The following SPIRE1 variants were observed in gnomAD, a reference collection of about 807,000 sequenced individuals.
SPIRE1 encodes the protein protein spire homolog 1.
In SPIRE1, 40 loss-of-function variants were observed where a neutral mutation model predicts 94.1. That is an observed-to-expected ratio of 0.43 (90% CI 0.33 to 0.55). The LOEUF (loss-of-function observed/expected upper bound fraction) is 0.55. SPIRE1 is among the 20% of genes least tolerant of loss of function. SPIRE1 has a pLI of 0.06. For missense variants in SPIRE1, 838 were observed against 975.2 expected (o/e 0.86, Z 1.87); for synonymous variants, 376 against 371.7 (o/e 1.01, Z -0.13).
chr18:12,605,677 C>CT (rs1185885774), intron 2 of SPIRE1, among the ~76,000 whole-genome samples: 2 of 152,112 alleles, frequency 1.3e-5, no homozygotes, highest in Non-Finnish European at 2.9e-5. Context: ...GAAATGAAAC[C>CT]TGTATTTAAT....
chr18:12,578,505 C>T (rs901656533), intron 2 of SPIRE1, among the ~76,000 whole-genome samples: 16 of 152,102 alleles, frequency 1.1e-4, no homozygotes, highest in Non-Finnish European at 2.1e-4. Flanking sequence ...CTGACTGCAC[C>T]GGAAACTTTC....
intron 5 of SPIRE1, among the ~76,000 whole-genome samples, chr18:12,510,579 G>A (rs1745899356): frequency 1.3e-5 from 2 of 150,032 alleles, no homozygotes; most frequent in Non-Finnish European, 3.0e-5. Context: ...GTCTCCCTCT[G>A]TCGCCCAGGC....
At chr18:12,660,385 G>A (rs118142007), upstream of SPIRE1, among the ~76,000 whole-genome samples, 2,237 of 150,438 alleles carry the variant, frequency 0.015, 23 homozygotes, top group South Asian at 0.061. Flanking sequence ...TCAGTGCCGC[G>A]ATTTCAGCTC....
intron 6 of SPIRE1, among the ~76,000 whole-genome samples, chr18:12,505,032 G>A (rs140817626): frequency 1.4e-4 from 22 of 152,274 alleles, no homozygotes; most frequent in East Asian, 1.4e-3. Flanking sequence ...CCAGCCGTGT[G>A]GGCTGTGCCG....
chr18:12,582,567 A>C (rs568497940), intron 2 of SPIRE1, among the ~76,000 whole-genome samples: 2 of 152,260 alleles, frequency 1.3e-5, no homozygotes, highest in South Asian at 4.1e-4. Flanking sequence ...AGTGTGTCTC[A>C]AGGTAGAAAA....
At chr18:12,628,309 C>T (rs1282861272) in intron 2 of SPIRE1, among the ~76,000 whole-genome samples, 1 of 152,106 alleles carries the variant, frequency 6.6e-6, no homozygotes, top group African/African-American at 2.4e-5. Flanking sequence ...ATAGGGAATC[C>T]TTTCCCCATT....
chr18:12,553,068 G>C (rs1277118019), intron 2 of SPIRE1, among the ~76,000 whole-genome samples: 1 of 152,188 alleles, frequency 6.6e-6, no homozygotes, highest in Admixed American at 6.5e-5. Flanking sequence ...ATAATCAGCA[G>C]CAATACCCAG....
intron 2 of SPIRE1, among the ~76,000 whole-genome samples, chr18:12,580,618 C>A (rs1349115688): frequency 6.6e-6 from 1 of 152,174 alleles, no homozygotes; most frequent in Non-Finnish European, 1.5e-5. Context: ...GCCACTGTGC[C>A]CAGCCAAGTA....
At chr18:12,631,699 T>C (rs775744840) in intron 2 of SPIRE1, among the ~76,000 whole-genome samples, 7 of 151,888 alleles carry the variant, frequency 4.6e-5, no homozygotes, top group Non-Finnish European at 1.0e-4. Context: ...ACCCTGTCTC[T>C]ACTAAAAATA....
intron 10 of SPIRE1, among the ~76,000 whole-genome samples, chr18:12,476,288 C>T (rs1286018181): frequency 6.6e-6 from 1 of 150,850 alleles, no homozygotes; most frequent in East Asian, 1.9e-4. Context: ...CCTGTAATCC[C>T]AGCTCTTTGG....
chr18:12,518,499 CA>C (rs71172094), intron 4 of SPIRE1, among the ~76,000 whole-genome samples: 154 of 134,754 alleles, frequency 1.1e-3, no homozygotes, highest in South Asian at 6.4e-3. Flanking sequence ...CTCACACACA[CA>C]AAAAAAAAAA....
chr18:12,505,612 G>A (rs1211574786), intron 6 of SPIRE1, among the ~76,000 whole-genome samples: 1 of 151,512 alleles, frequency 6.6e-6, no homozygotes, highest in Non-Finnish European at 1.5e-5. Context: ...GTCAGAATCA[G>A]GATATATTTT....
intron 5 of SPIRE1, among the ~76,000 whole-genome samples, chr18:12,510,547 CT>C (rs555228447): frequency 1.8e-3 from 256 of 143,750 alleles, no homozygotes; most frequent in Middle Eastern, 3.6e-3. Context: ...CAACAATCTT[CT>C]TTTTTTTTTT....
chr18:12,493,472 T>C (rs1284222572), intron 7 of SPIRE1, among the ~76,000 whole-genome samples: 1 of 152,014 alleles, frequency 6.6e-6, no homozygotes, highest in Admixed American at 6.6e-5. Context: ...AGTGGTGCAA[T>C]CTCAGCTCAC....
At chr18:12,552,925 AC>A (rs1279243043) in intron 2 of SPIRE1, among the ~76,000 whole-genome samples, 2 of 151,766 alleles carry the variant, frequency 1.3e-5, no homozygotes, top group Admixed American at 6.6e-5. Context: ...CAGTCATGAG[AC>A]CCCCATTCCA....
chr18:12,545,491 T>TA (rs1182575060), intron 3 of SPIRE1, among the ~76,000 whole-genome samples: 1 of 152,132 alleles, frequency 6.6e-6, no homozygotes, highest in African/African-American at 2.4e-5. Context: ...AGTTGGAAAA[T>TA]AAGAGATACA....
chr18:12,493,116 T>C lies in SPIRE1; in HGVS notation c.1145A>G (p.Lys382Arg). ...RILEEIKAER[K>R]LRPVSPEEIR... is the part of the protein sequence containing the mutation. ...CTCCTCTGGTGATACAGGCCGCAGC[T>C]TTCTTTCTGCTTTAATTTCTTCTAA... The change falls in exon 8 of 17, where the codon AAG becomes AGG. Residue 382 changes from lysine (K) to arginine (R), a missense_variant. By Grantham distance (26) the Lys-to-Arg change is conservative (BLOSUM62 2). This residue lies in a region of SPIRE1 where 645 missense variants were observed against 804.7 expected (regional missense o/e 0.80). Coordinates refer to ENST00000409402, the MANE Select transcript of SPIRE1 (RefSeq NM_001128626.2). The C allele has an allele frequency of 1.9e-6, 3 of 1,613,756 alleles. No individual in the cohort carries two copies. Among genetic ancestry groups the C allele is most frequent in the Non-Finnish European group, 2.5e-6 (3 of 1,179,976 alleles).
chr18:12,588,488 T>C (rs1042644401), intron 2 of SPIRE1: 34 of 152,328 alleles, frequency 2.2e-4, no homozygotes, highest in African/African-American at 8.0e-4. Flanking sequence ...AAACCAAATA[T>C]TGTTTCTTTC....
At chr18:12,612,898 T>C (rs894173411) in intron 2 of SPIRE1, among the ~76,000 whole-genome samples, 5 of 152,172 alleles carry the variant, frequency 3.3e-5, no homozygotes, top group African/African-American at 1.2e-4. Context: ...CTTTGGGAGG[T>C]GTACTTCGAC....
Sources: allele counts gnomAD v4.1 joint callset (sites outside exome capture counted in the v4.1 genomes callset), GRCh38; gene constraint gnomAD v4.1.1; regional missense constraint gnomAD v4.1.1; transcripts MANE v1.5; gene names NCBI Gene and HGNC (gene_info 2026-07-23, HGNC 2026-07-21).